RBKS: variants seen among roughly 807,000 people sequenced by gnomAD.
RBKS encodes ribokinase.
RBKS carries 33 observed loss-of-function variants against 33.9 expected under a neutral mutation model. The ratio of observed to expected loss-of-function variants is 0.97; its 90% CI spans 0.74 to 1.30. RBKS has a LOEUF of 1.30. RBKS is among the 50% of genes most tolerant of loss of function. The pLI, the probability that RBKS is intolerant of heterozygous loss-of-function variation, is 0.00. For synonymous variants in RBKS, 125 were observed against 143.0 expected (o/e 0.87, Z 0.90); for missense variants, 361 against 392.6 (o/e 0.92, Z 0.68).
At chr2:27,839,722 T>C (rs1349827822) in intron 5 of RBKS, among the ~76,000 whole-genome samples, 1 of 152,142 alleles carries the variant, frequency 6.6e-6, no homozygotes, top group Non-Finnish European at 1.5e-5. Context: ...TTTATCATCG[T>C]TCTTGAAGAC....
intron 1 of RBKS, among the ~76,000 whole-genome samples, chr2:27,879,756 C>A (rs550515762): frequency 1.3e-5 from 2 of 152,208 alleles, no homozygotes; most frequent in South Asian, 4.1e-4. Context: ...GGATAAATTC[C>A]TGGACACATA....
chr2:27,865,915 CTGT>C (rs1464112776), intron 1 of RBKS, among the ~76,000 whole-genome samples: 2 of 152,122 alleles, frequency 1.3e-5, no homozygotes, highest in African/African-American at 2.4e-5. Context: ...CGTCACAATA[CTGT>C]TATTACTTTA....
intron 1 of RBKS, chr2:27,869,765 G>C (rs1467763839): frequency 5.6e-6 from 1 of 177,248 alleles, no homozygotes; most frequent in East Asian, 1.7e-4. Context: ...ACGGGAGACA[G>C]TGATACCTGA....
chr2:27,807,818 G>A (rs148911256), intron 7 of RBKS, among the ~76,000 whole-genome samples: 1 of 151,938 alleles, frequency 6.6e-6, no homozygotes, highest in East Asian at 1.9e-4. Context: ...AGTATTTTGT[G>A]GGGGGGAATC....
At chr2:27,887,714 CTAGTGATTTTGCTAATCATCAGTAAAAT>C (rs1664567047) in intron 1 of RBKS, among the ~76,000 whole-genome samples, 2 of 43,010 alleles carry the variant, frequency 4.7e-5, no homozygotes, top group Non-Finnish European at 2.0e-4. Context: ...AAAATTTTTA[CTAGTGATTTTGCTAATCATCAGTAAAAT>C]TTTTACTAGT....
intron 5 of RBKS, among the ~76,000 whole-genome samples, chr2:27,841,822 A>G (rs1663519161): frequency 6.6e-6 from 1 of 150,636 alleles, no homozygotes; most frequent in Non-Finnish European, 1.5e-5. Flanking sequence ...GTGGTTCTCT[A>G]TTTTATTCTT....
chr2:27,788,391 C>T (rs951662564), intron 7 of RBKS, among the ~76,000 whole-genome samples: 18 of 152,288 alleles, frequency 1.2e-4, no homozygotes, highest in East Asian at 5.8e-4. Context: ...AGCAAGGTAA[C>T]GGGACACAAG....
At chr2:27,835,763 A>C (rs929451922) in intron 5 of RBKS, among the ~76,000 whole-genome samples, 2 of 151,944 alleles carry the variant, frequency 1.3e-5, no homozygotes, top group African/African-American at 2.4e-5. Flanking sequence ...ACAAGCACAC[A>C]TAACTATATG....
intron 1 of RBKS, among the ~76,000 whole-genome samples, chr2:27,883,806 C>T (rs1338573655): frequency 6.6e-6 from 1 of 151,916 alleles, no homozygotes; most frequent in Non-Finnish European, 1.5e-5. Context: ...AACAATCCTC[C>T]CACATCGGCC....
intron 7 of RBKS, among the ~76,000 whole-genome samples, chr2:27,791,080 T>C (rs556451985): frequency 6.6e-6 from 1 of 152,324 alleles, no homozygotes; most frequent in South Asian, 2.1e-4. Context: ...AAGGCAATAC[T>C]ACTTAGCAAT....
intron 7 of RBKS, among the ~76,000 whole-genome samples, chr2:27,817,692 G>A (rs543422961): frequency 9.2e-5 from 14 of 152,232 alleles, no homozygotes; most frequent in African/African-American, 3.4e-4. Context: ...GGTAAGCAAG[G>A]CCTTTTCAAG....
intron 7 of RBKS, among the ~76,000 whole-genome samples, chr2:27,824,831 T>A (rs1349279641): frequency 6.6e-6 from 1 of 152,208 alleles, no homozygotes. Context: ...ACACTTATAC[T>A]GCTTTTAGAA....
intron 1 of RBKS, chr2:27,889,975 G>C (rs1208011504): frequency 3.0e-6 from 1 of 336,976 alleles, no homozygotes; most frequent in Non-Finnish European, 5.4e-6. Context: ...CTTTGGGGGC[G>C]CAAGTCTTTG....
intron 1 of RBKS, among the ~76,000 whole-genome samples, chr2:27,884,900 T>G (rs1664496519): frequency 6.6e-6 from 1 of 152,200 alleles, no homozygotes; most frequent in Admixed American, 6.5e-5. Context: ...AAATTTATCC[T>G]TTAAATGTTG....
At chr2:27,888,118 A>G (rs1405932598) in intron 1 of RBKS, among the ~76,000 whole-genome samples, 1 of 150,810 alleles carries the variant, frequency 6.6e-6, no homozygotes, top group Admixed American at 6.6e-5. Context: ...GTATGAGAAA[A>G]TTTTCTTTTC....
intron 7 of RBKS, among the ~76,000 whole-genome samples, chr2:27,809,507 T>C (rs1185276960): frequency 6.6e-6 from 1 of 152,244 alleles, no homozygotes; most frequent in African/African-American, 2.4e-5. Context: ...GCTTTGTATA[T>C]ATATTGGTGA....
At chr2:27,789,925 GTA>G (rs376783086) in intron 7 of RBKS, among the ~76,000 whole-genome samples, 24,178 of 130,264 alleles carry the variant, frequency 0.19, 2,229 homozygotes, top group East Asian at 0.32. Context: ...GTTTGTGTGT[GTA>G]TATATATATA....
chr2:27,811,078 G>T (rs1291417619), intron 7 of RBKS, among the ~76,000 whole-genome samples: 1 of 152,106 alleles, frequency 6.6e-6, no homozygotes. Flanking sequence ...GCACAAATAT[G>T]CCATGCTCCC....
At chr2:27,825,187 G>A (rs1678287240) in intron 7 of RBKS, among the ~76,000 whole-genome samples, 1 of 151,400 alleles carries the variant, frequency 6.6e-6, no homozygotes, top group East Asian at 1.9e-4. Flanking sequence ...TTCCAATTAT[G>A]GAAAATAAGC....
Sources: allele counts gnomAD v4.1 joint callset (sites outside exome capture counted in the v4.1 genomes callset), GRCh38; gene constraint gnomAD v4.1.1; transcripts MANE v1.5; gene names NCBI Gene and HGNC (gene_info 2026-07-23, HGNC 2026-07-21).